Variants in KALRN observed in about 807,000 individuals in gnomAD.
The protein encoded by KALRN is kalirin RhoGEF kinase.
Under a neutral mutation model 353.7 loss-of-function variants are expected in KALRN, and 70 were observed. The observed-to-expected ratio is 0.20, with a 90% CI of 0.16 to 0.24. The LOEUF is 0.24. Ranked by LOEUF, KALRN falls within the 10% of genes least tolerant of loss-of-function variation. The pLI is 1.00. For synonymous variants in KALRN, 1,391 were observed against 1,434.8 expected, an observed-to-expected ratio of 0.97 and a Z score of 0.69; for missense variants, 2,791 against 3,756.7, an observed-to-expected ratio of 0.74 and a Z score of 6.72.
At chr3:124,135,888 T>A (rs2141663) in intron 1 of KALRN, among the ~76,000 whole-genome samples, 56,936 of 151,968 alleles carry the variant, frequency 0.37, 11,027 homozygotes, top group African/African-American at 0.47. Flanking sequence ...GGGCATTTCC[T>A]TATATCATTT....
chr3:124,246,967 G>C (rs1240949305), intron 3 of KALRN, among the ~76,000 whole-genome samples: 1 of 152,090 alleles, frequency 6.6e-6, no homozygotes, highest in African/African-American at 2.4e-5. Context: ...ATTTGGGGCT[G>C]TTTCTCTTTC....
At chr3:124,311,056 T>C (rs2078199576) in intron 6 of KALRN, among the ~76,000 whole-genome samples, 1 of 139,520 alleles carries the variant, frequency 7.2e-6, no homozygotes, top group Admixed American at 7.4e-5. Flanking sequence ...CACAATGAGA[T>C]ACTACTTCTT....
chr3:124,426,282 C>T (rs889854431), intron 15 of KALRN, among the ~76,000 whole-genome samples: 21 of 151,942 alleles, frequency 1.4e-4, no homozygotes, highest in Admixed American at 1.0e-3. Context: ...ATTTAGATGT[C>T]GGTATTGATC....
chr3:124,664,384 T>G (rs1427857348), intron 45 of KALRN, among the ~76,000 whole-genome samples: 3 of 124,662 alleles, frequency 2.4e-5, no homozygotes, highest in East Asian at 2.8e-4. Flanking sequence ...CGCGCGCGCA[T>G]ATAAGGGCAC....
intron 5 of KALRN, among the ~76,000 whole-genome samples, chr3:124,296,397 C>G (rs993832250): frequency 6.6e-6 from 1 of 152,166 alleles, no homozygotes; most frequent in African/African-American, 2.4e-5. Flanking sequence ...CTTCTCCTCT[C>G]TAAACAACTA....
intron 3 of KALRN, among the ~76,000 whole-genome samples, chr3:124,240,831 G>A (rs919155239): frequency 1.3e-5 from 2 of 152,102 alleles, no homozygotes; most frequent in Admixed American, 6.5e-5. Flanking sequence ...TTTATTTTGG[G>A]AAAATAATGT....
chr3:124,691,745 A>T (rs2061825483), intron 51 of KALRN, among the ~76,000 whole-genome samples: 1 of 152,190 alleles, frequency 6.6e-6, no homozygotes, highest in African/African-American at 2.4e-5. Context: ...CTGGGATGCC[A>T]TTCTCCCTGC....
chr3:124,676,042 C>G (rs2087148525), intron 49 of KALRN, among the ~76,000 whole-genome samples: 1 of 152,120 alleles, frequency 6.6e-6, no homozygotes, highest in African/African-American at 2.4e-5. Context: ...TTTAGGTAAG[C>G]CTTGGGATAA....
chr3:124,108,251 G>T (rs2062503180), intron 1 of KALRN, among the ~76,000 whole-genome samples: 1 of 152,084 alleles, frequency 6.6e-6, no homozygotes, highest in Non-Finnish European at 1.5e-5. Context: ...TACTCTGCTT[G>T]GCTCCTTAGA....
At position 124,657,550 on chromosome 3, in the gene KALRN, G is replaced by C. The variant is rs1279734937; in HGVS notation, c.5965G>C (p.Asp1989His). 1.9e-6 allele frequency: 3 copies of C among 1,610,682 alleles called. No homozygotes were observed. Among genetic ancestry groups the C allele is most frequent in the Non-Finnish European group, 2.5e-6 (3 of 1,176,910 alleles). Residue 1989 changes from aspartate to histidine, a missense_variant and splice_region_variant, in exon 40 of 60, where the codon GAT (aspartate) becomes CAT (histidine). Physicochemically the swap from Asp to His is moderately conservative, Grantham distance 81 (BLOSUM62 -1). Around this residue, in one of 11 missense-constraint regions of KALRN, gnomAD observed 1,065 missense variants for 1,156.4 expected, o/e 0.92. Coordinates refer to ENST00000682506, the MANE Select transcript of KALRN (RefSeq NM_001388419.1). ...TCATCAGATTTATGACTGGCATAAG[G>C]AGTAAGTGTTAATGCTGCCCCGAGG... ...NIHQIYDWHK[D>H]FFLAELEKCI...
At chr3:124,422,748 T>A (rs1231835900) in intron 14 of KALRN, 64 bp from the exon 15 acceptor site, 1 of 1,358,200 alleles carries the variant, frequency 7.4e-7, no homozygotes, top group African/African-American at 1.4e-5. Context: ...TTATGCATAT[T>A]GAAGGGAATG....
At chr3:124,631,937 C>A (rs1418973636) in intron 34 of KALRN, among the ~76,000 whole-genome samples, 1 of 152,214 alleles carries the variant, frequency 6.6e-6, no homozygotes, top group African/African-American at 2.4e-5. Context: ...CCAGAAGGCC[C>A]TTCGCCAGAT....
intron 37 of KALRN, among the ~76,000 whole-genome samples, chr3:124,649,790 A>AATAGATAGATAGATAG (rs57296265): frequency 3.2e-4 from 43 of 132,834 alleles, no homozygotes; most frequent in East Asian, 1.1e-3. Context: ...CCTGTCTCAA[A>AATAGATAGATAGATAG]ATAGATAGAT....
chr3:124,175,096 C>A (rs1288923864), intron 1 of KALRN, among the ~76,000 whole-genome samples: 1 of 152,222 alleles, frequency 6.6e-6, no homozygotes, highest in East Asian at 1.9e-4. Context: ...TAGGGCCCTG[C>A]AGCTGGCAGG....
At chr3:124,360,718 C>T (rs1019279521) in intron 10 of KALRN, among the ~76,000 whole-genome samples, 41 of 152,238 alleles carry the variant, frequency 2.7e-4, no homozygotes, top group African/African-American at 7.0e-4. Context: ...CACAAGTCAA[C>T]TTGCCCAGAT....
At chr3:124,368,227 G>A (rs1459534378) in intron 10 of KALRN, among the ~76,000 whole-genome samples, 1 of 138,530 alleles carries the variant, frequency 7.2e-6, no homozygotes, top group Non-Finnish European at 1.6e-5. Context: ...AGCACGGCTG[G>A]CCAGGCGGGG....
At chr3:124,678,096 C>G in intron 49 of KALRN, 94 bp from the exon 50 acceptor site, 1 of 1,381,582 alleles carries the variant, frequency 7.2e-7, no homozygotes, top group Non-Finnish European at 1.0e-6. Flanking sequence ...GATGGAGCAC[C>G]TCACCTGCTG....
chr3:124,168,115 G>A (rs2071159369), intron 1 of KALRN, among the ~76,000 whole-genome samples: 1 of 152,214 alleles, frequency 6.6e-6, no homozygotes, highest in Non-Finnish European at 1.5e-5. Flanking sequence ...GGTTGGTGGA[G>A]AGGTACAAAA....
intron 1 of KALRN, among the ~76,000 whole-genome samples, chr3:124,119,247 T>C (rs2149574517): frequency 6.6e-6 from 1 of 152,286 alleles, no homozygotes; most frequent in African/African-American, 2.4e-5. Flanking sequence ...GGCTCCTCAT[T>C]AAGAGGGAGC....
Sources: gnomAD v4.1 joint callset for allele counts (sites outside exome capture counted in the v4.1 genomes callset) on GRCh38, gnomAD v4.1.1 for gene constraint, gnomAD v4.1.1 regional missense constraint, MANE v1.5 for transcripts, NCBI Gene and HGNC (gene_info 2026-07-23, HGNC 2026-07-21) for gene names.